ETS1: variants seen among roughly 807,000 people sequenced by gnomAD.
The protein encoded by ETS1 is protein C-ets-1.
ETS1 carries 15 observed loss-of-function variants against 58.6 expected under a neutral mutation model. The observed-to-expected ratio is 0.26, with a 90% CI of 0.17 to 0.39. The LOEUF (loss-of-function observed/expected upper bound fraction) is 0.39. ETS1 is among the 10% of genes least tolerant of loss of function. ETS1 has a pLI of 1.00. For synonymous variants in ETS1, 214 were observed against 218.2 expected (o/e 0.98, Z 0.17); for missense variants, 417 against 610.5 (o/e 0.68, Z 3.34).
At chr11:128,528,078 G>T (rs1468966595) in intron 3 of ETS1, among the ~76,000 whole-genome samples, 1 of 152,206 alleles carries the variant, frequency 6.6e-6, no homozygotes, top group Admixed American at 6.5e-5. Flanking sequence ...GAGAACAATG[G>T]AAGTGTAAGT....
intron 7 of ETS1, among the ~76,000 whole-genome samples, chr11:128,483,573 C>T (rs1591604716): frequency 6.6e-6 from 1 of 152,152 alleles, no homozygotes; most frequent in South Asian, 2.1e-4. Flanking sequence ...CCCACCCATC[C>T]CCTTCGGTCT....
At chr11:128,533,830 CA>C (rs1863935069) in intron 3 of ETS1, among the ~76,000 whole-genome samples, 1 of 152,186 alleles carries the variant, frequency 6.6e-6, no homozygotes, top group African/African-American at 2.4e-5. Flanking sequence ...TTTGAATTTC[CA>C]GTTTAAACAC....
intron 3 of ETS1, among the ~76,000 whole-genome samples, chr11:128,514,836 G>C (rs1863480412): frequency 6.6e-6 from 1 of 152,116 alleles, no homozygotes; most frequent in Non-Finnish European, 1.5e-5. Flanking sequence ...TTCCTAACCA[G>C]GTGTAATGCT....
chr11:128,550,474 G>A (rs1864211501), intron 3 of ETS1, among the ~76,000 whole-genome samples: 1 of 152,228 alleles, frequency 6.6e-6, no homozygotes, highest in African/African-American at 2.4e-5. Flanking sequence ...GAGCGAGTGT[G>A]CGGGAGATAT....
chr11:128,521,962 G>A, intron 3 of ETS1: 3 of 1,604,618 alleles, frequency 1.9e-6, no homozygotes, highest in Non-Finnish European at 1.7e-6. Flanking sequence ...TGATGATGGT[G>A]AGAGTCGGCT....
chr11:128,491,165 TTAA>T (rs775685545), intron 3 of ETS1, among the ~76,000 whole-genome samples: 33 of 152,232 alleles, frequency 2.2e-4, no homozygotes, highest in Non-Finnish European at 3.5e-4. Flanking sequence ...ACCGAGAATA[TTAA>T]TGTTACTACA....
At chr11:128,476,863 T>A (rs1004967296) in intron 8 of ETS1, among the ~76,000 whole-genome samples, 5 of 152,260 alleles carry the variant, frequency 3.3e-5, no homozygotes, top group Non-Finnish European at 7.3e-5. Context: ...AACATTGCAT[T>A]TGATGTATTC....
At chr11:128,475,581 G>A (rs1241318697) in intron 8 of ETS1, among the ~76,000 whole-genome samples, 1 of 119,178 alleles carries the variant, frequency 8.4e-6, no homozygotes, top group Non-Finnish European at 1.7e-5. Flanking sequence ...TTTTTGAGAC[G>A]GAGTCTCGCT....
chr11:128,486,016 TC>T (rs1348968695), intron 6 of ETS1, 52 bp downstream of exon 6: 1 of 1,059,978 alleles, frequency 9.4e-7, no homozygotes, highest in African/African-American at 1.6e-5. Flanking sequence ...GAGATAGGGG[TC>T]TTTTCCTAGT....
intron 3 of ETS1, among the ~76,000 whole-genome samples, chr11:128,520,921 C>A (rs772316040): frequency 9.2e-5 from 14 of 152,282 alleles, no homozygotes; most frequent in East Asian, 3.9e-4. Flanking sequence ...AACAGAGGAG[C>A]CTGTTCTTGA....
intron 3 of ETS1, among the ~76,000 whole-genome samples, chr11:128,507,727 T>C (rs757107362): frequency 7.9e-5 from 12 of 152,070 alleles, no homozygotes; most frequent in Non-Finnish European, 1.3e-4. Flanking sequence ...CTGTCTTGAA[T>C]CTTATTATCT....
intron 3 of ETS1, among the ~76,000 whole-genome samples, chr11:128,506,998 C>T (rs1385642817): frequency 6.6e-6 from 1 of 152,120 alleles, no homozygotes. Flanking sequence ...AGGGCTCTTT[C>T]GCCCTCCAGT....
At chr11:128,488,477 G>C (rs1181284096) in intron 5 of ETS1, among the ~76,000 whole-genome samples, 2 of 152,180 alleles carry the variant, frequency 1.3e-5, no homozygotes, top group East Asian at 1.9e-4. Context: ...CCAAGGGTTA[G>C]AGCTGATGAC....
At chr11:128,502,501 G>A (rs183062991) in intron 3 of ETS1, among the ~76,000 whole-genome samples, 1 of 152,290 alleles carries the variant, frequency 6.6e-6, no homozygotes, top group African/African-American at 2.4e-5. Context: ...ACATGTTTAG[G>A]AGCACTATAA....
intron 1 of ETS1, among the ~76,000 whole-genome samples, chr11:128,576,157 A>G (rs1301036846): frequency 6.6e-6 from 1 of 152,218 alleles, no homozygotes; most frequent in African/African-American, 2.4e-5. Context: ...GGGAGTTGCC[A>G]GGGCTCTCAA....
chr11:128,521,199 C>A (rs1351250716), intron 3 of ETS1, among the ~76,000 whole-genome samples: 1 of 152,028 alleles, frequency 6.6e-6, no homozygotes, highest in Non-Finnish European at 1.5e-5. Flanking sequence ...AAGAGTTGGA[C>A]AACACCATGT....
In ETS1 at chr11:128,464,716, T is replaced by C. The variant is rs546370373; in HGVS notation, c.1124-1089A>G. 1.4e-4 allele frequency among the ~76,000 whole-genome samples: 21 copies of C among 152,194 alleles called. No individual in the cohort carries two copies. The highest frequency in any genetic ancestry group is 4.3e-4 in the African/African-American group (18 of 41,520). On this transcript the variant is annotated intron_variant, in intron 8 of 9. Transcript: ENST00000392668. This position sits in a 1 kb window ranked among gnomAD's most constrained non-coding sequence, Gnocchi z 4.1. ...CTAAGGCTCTAATTTTTCACCGGAG[T>C]TGCAAATTTGTCTGATCCAAAGTAA...
chr11:128,582,602 A>T (rs1039815243), intron 1 of ETS1, among the ~76,000 whole-genome samples: 4 of 152,202 alleles, frequency 2.6e-5, no homozygotes, highest in Admixed American at 6.5e-5. Context: ...CTTTTTCTAA[A>T]GACTTGTATT....
chr11:128,505,269 T>G (rs1437783870), intron 3 of ETS1: 1 of 152,232 alleles, frequency 6.6e-6, no homozygotes, highest in Non-Finnish European at 1.5e-5. Context: ...CAAACCCCAC[T>G]GACAAAGCCA....
Sources: gnomAD v4.1 joint callset for allele counts (sites outside exome capture counted in the v4.1 genomes callset) on GRCh38, gnomAD v4.1.1 for gene constraint, Gnocchi (gnomAD v3.1) non-coding constraint, MANE v1.5 for transcripts, NCBI Gene and HGNC (gene_info 2026-07-23, HGNC 2026-07-21) for gene names.